The following SIPA1L2 variants were observed in gnomAD, a reference collection of about 807,000 sequenced individuals.
The protein encoded by SIPA1L2 is signal induced proliferation associated 1 like 2.
Under a neutral mutation model 163.9 loss-of-function variants are expected in SIPA1L2, and 56 were observed. The observed-to-expected ratio is 0.34, with a 90% CI of 0.28 to 0.43. The LOEUF (loss-of-function observed/expected upper bound fraction) is 0.43. Among genes scored for constraint, SIPA1L2 ranks in the 20% least tolerant of loss-of-function variants. The pLI, the probability that SIPA1L2 is intolerant of heterozygous loss-of-function variation, is 1.00. For missense variants in SIPA1L2, 1,974 were observed against 2,193.5 expected, an observed-to-expected ratio of 0.90 and a Z score of 2.00; for synonymous variants, 877 against 865.7, an observed-to-expected ratio of 1.01 and a Z score of -0.23.
intron 3 of SIPA1L2, among the ~76,000 whole-genome samples, chr1:232,503,125 T>C (rs1044233104): frequency 2.0e-5 from 3 of 151,972 alleles, no homozygotes; most frequent in African/African-American, 7.3e-5. Flanking sequence ...GCTTCAAGGG[T>C]GAATCAAATG....
chr1:232,418,657 C>G (rs1661400047), intron 18 of SIPA1L2, among the ~76,000 whole-genome samples: 1 of 152,172 alleles, frequency 6.6e-6, no homozygotes, highest in South Asian at 2.1e-4. Flanking sequence ...ATTTCACAAC[C>G]AAAGGCAAGC....
chr1:232,407,957 G>C (rs1039770811), intron 19 of SIPA1L2, among the ~76,000 whole-genome samples: 1 of 152,122 alleles, frequency 6.6e-6, no homozygotes, highest in African/African-American at 2.4e-5. Flanking sequence ...GGTCGGGTTT[G>C]TTCCCATTAC....
chr1:232,491,183 A>G, intron 4 of SIPA1L2, 121 bp from the exon 5 acceptor site: 1 of 826,984 alleles, frequency 1.2e-6, no homozygotes, highest in Non-Finnish European at 1.9e-6. Context: ...GAGTGTAGTG[A>G]AAGGGGCGAC....
chr1:232,513,672 A>G (rs986885610), intron 3 of SIPA1L2, among the ~76,000 whole-genome samples, 185 bp downstream of exon 3: 3 of 152,214 alleles, frequency 2.0e-5, no homozygotes, highest in Non-Finnish European at 4.4e-5. Context: ...ATGGAATTGC[A>G]GTTTTCTAAA....
chr1:232,587,893 C>T (rs1172292794), intron 1 of SIPA1L2, among the ~76,000 whole-genome samples: 1 of 152,150 alleles, frequency 6.6e-6, no homozygotes, highest in East Asian at 1.9e-4. Flanking sequence ...ACTTGGCTCT[C>T]ACTCTTCTCT....
In SIPA1L2 at chr1:232,501,001, T is replaced by C. The variant is rs1207359752; in HGVS notation, c.1484-7341A>G. ...GCAAGATCCTCCATCAGAAGAAAGG[T>C]TGACTTGCTGAAGGCTCGGTGATTG... On this transcript the variant is annotated intron_variant, in intron 3 of 22. Transcript: ENST00000674635. 4.6e-5 allele frequency among the ~76,000 whole-genome samples: 7 copies of C among 150,966 alleles called. No individual in the cohort carries two copies. In the South Asian group the frequency reaches 1.1e-3, roughly 23 times the overall value.
chr1:232,422,889 G>A (rs1204407463), intron 18 of SIPA1L2, among the ~76,000 whole-genome samples: 2 of 152,194 alleles, frequency 1.3e-5, no homozygotes, highest in African/African-American at 2.4e-5. Context: ...TCTTCTTAGA[G>A]AGGGTCTACA....
intron 2 of SIPA1L2, among the ~76,000 whole-genome samples, chr1:232,520,165 T>G (rs569130715): frequency 6.6e-6 from 1 of 152,360 alleles, no homozygotes; most frequent in African/African-American, 2.4e-5. Context: ...TTAAGCTAAT[T>G]TTTACTGTGA....
At chr1:232,442,298 C>G (rs1292569053) in intron 12 of SIPA1L2, among the ~76,000 whole-genome samples, 9 of 151,076 alleles carry the variant, frequency 6.0e-5, no homozygotes, top group Non-Finnish European at 1.2e-4. Context: ...GCCTGTAATC[C>G]CAGCACTTTG....
intron 3 of SIPA1L2, among the ~76,000 whole-genome samples, chr1:232,497,089 A>G (rs904855611): frequency 6.6e-6 from 1 of 152,200 alleles, no homozygotes; most frequent in Non-Finnish European, 1.5e-5. Context: ...TAAAATGATC[A>G]TATGTGTACT....
At chr1:232,482,547 T>C (rs1216511297) in intron 6 of SIPA1L2, among the ~76,000 whole-genome samples, 2 of 152,216 alleles carry the variant, frequency 1.3e-5, no homozygotes, top group Admixed American at 6.5e-5. Flanking sequence ...ATGGGCATTA[T>C]ACATATAATG....
At chr1:232,453,746 CTTTTTTT>C (rs10711839) in intron 10 of SIPA1L2, among the ~76,000 whole-genome samples, 1 of 130,210 alleles carries the variant, frequency 7.7e-6, no homozygotes. Context: ...AAACACAAGG[CTTTTTTT>C]TTTTTTTTTT....
At chr1:232,405,985 CA>C (rs1274043884) in intron 19 of SIPA1L2, among the ~76,000 whole-genome samples, 1 of 152,206 alleles carries the variant, frequency 6.6e-6, no homozygotes, top group African/African-American at 2.4e-5. Flanking sequence ...GGCAAGAAGC[CA>C]AAACTAGAGT....
rs928845957 is a variant in SIPA1L2 at position 232,398,009 on chromosome 1, T to C, written c.*1118A>G. 1.3e-5 allele frequency: 2 copies of C among 152,606 alleles called. No homozygotes were observed. Among genetic ancestry groups the C allele is most frequent in the Admixed American group, 6.5e-5 (1 of 15,272 alleles). The allele number at this position is 152,606 out of a possible 1,614,324, so 9.5% of individuals were successfully genotyped here. The stretch of plus-strand genomic sequence containing the variant: ...TTAAACATTTATTAAAAAAGCAAAA[T>C]GTATGTTCATCTCAAATCTAACAGT... On this transcript the variant is annotated 3_prime_UTR_variant, in exon 23 of 23. Coordinates refer to ENST00000674635, the MANE Select transcript of SIPA1L2 (RefSeq NM_020808.5).
At chr1:232,422,736 CT>C (rs1661644368) in intron 18 of SIPA1L2, among the ~76,000 whole-genome samples, 2 of 152,324 alleles carry the variant, frequency 1.3e-5, no homozygotes, top group South Asian at 4.1e-4. Context: ...CTATATCTCT[CT>C]GAGAAACTAA....
chr1:232,530,538 C>A (rs1265980808), intron 2 of SIPA1L2, among the ~76,000 whole-genome samples: 1 of 151,898 alleles, frequency 6.6e-6, no homozygotes, highest in Admixed American at 6.6e-5. Flanking sequence ...TAAGTCTTCA[C>A]AACAGATTTC....
intron 15 of SIPA1L2, among the ~76,000 whole-genome samples, chr1:232,435,239 G>A (rs1048696827): frequency 4.6e-5 from 7 of 152,154 alleles, no homozygotes; most frequent in African/African-American, 7.2e-5. Context: ...TAATGATAGC[G>A]TGATCACAAA....
chr1:232,533,823 C>A (rs965297345), intron 2 of SIPA1L2, among the ~76,000 whole-genome samples: 1 of 152,112 alleles, frequency 6.6e-6, no homozygotes, highest in African/African-American at 2.4e-5. Context: ...AGCAGCAGAG[C>A]AAGAATCCAG....
At chr1:232,462,269 T>G (rs970105788) in intron 9 of SIPA1L2, 30 of 1,550,706 alleles carry the variant, frequency 1.9e-5, no homozygotes, top group Middle Eastern at 3.3e-4. Flanking sequence ...CTCACCTATC[T>G]GTGGGAATTT....
Sources: allele counts gnomAD v4.1 joint callset (sites outside exome capture counted in the v4.1 genomes callset), GRCh38; gene constraint gnomAD v4.1.1; transcripts MANE v1.5; gene names NCBI Gene and HGNC (gene_info 2026-07-23, HGNC 2026-07-21).